The following SFMBT2 variants were observed in gnomAD, a reference collection of about 807,000 sequenced individuals.
SFMBT2 encodes scm-like with four MBT domains protein 2.
In SFMBT2, 38 loss-of-function variants were observed where a neutral mutation model predicts 110.1. The observed-to-expected ratio is 0.35, with a 90% CI of 0.27 to 0.45. The LOEUF is 0.45. Ranked by LOEUF, SFMBT2 falls within the 20% of genes least tolerant of loss-of-function variation. SFMBT2 has a pLI of 1.00. For missense variants in SFMBT2, 1,011 were observed against 1,094.9 expected (o/e 0.92, Z 1.08); for synonymous variants, 425 against 425.4 (o/e 1.00, Z 0.01).
chr10:7,233,976 C>T (rs1840183052), intron 9 of SFMBT2, among the ~76,000 whole-genome samples: 1 of 152,236 alleles, frequency 6.6e-6, no homozygotes, highest in Non-Finnish European at 1.5e-5. Flanking sequence ...AGTTTGTGTA[C>T]ATTGCAGGCT....
chr10:7,390,365 A>G (rs1845731256), intron 1 of SFMBT2, among the ~76,000 whole-genome samples: 1 of 152,198 alleles, frequency 6.6e-6, no homozygotes, highest in South Asian at 2.1e-4. Flanking sequence ...TTTTAAATCT[A>G]AGAAACTTCA....
intron 4 of SFMBT2, among the ~76,000 whole-genome samples, chr10:7,313,459 A>G (rs1378838275): frequency 6.6e-6 from 1 of 152,162 alleles, no homozygotes; most frequent in Non-Finnish European, 1.5e-5. Context: ...CTGGGAGTAC[A>G]GGTGAATGCC....
chr10:7,363,417 C>T (rs923347200), intron 4 of SFMBT2, among the ~76,000 whole-genome samples: 14 of 151,956 alleles, frequency 9.2e-5, no homozygotes, highest in African/African-American at 2.9e-4. Context: ...GGCGCGATCT[C>T]GGCTCACGGC....
chr10:7,244,969 A>G (rs1840562348), intron 8 of SFMBT2, among the ~76,000 whole-genome samples: 1 of 152,140 alleles, frequency 6.6e-6, no homozygotes, highest in African/African-American at 2.4e-5. Context: ...AAGGATTATG[A>G]AAATCCTTTG....
At chr10:7,300,143 A>C (rs779975098) in intron 4 of SFMBT2, among the ~76,000 whole-genome samples, 1 of 152,124 alleles carries the variant, frequency 6.6e-6, no homozygotes, top group Middle Eastern at 3.2e-3. Context: ...AGAGAGGAGA[A>C]CATCACACAC....
At chr10:7,406,415 C>G (rs562098473) in intron 1 of SFMBT2, among the ~76,000 whole-genome samples, 2 of 151,228 alleles carry the variant, frequency 1.3e-5, no homozygotes, top group Admixed American at 1.3e-4. Context: ...GCAATGCTTC[C>G]ATCGCTCACT....
At chr10:7,203,568 T>C (rs1294058961) in intron 12 of SFMBT2, 1 of 458,230 alleles carries the variant, frequency 2.2e-6, no homozygotes, top group Non-Finnish European at 2.9e-6. Flanking sequence ...CCCAAATCCA[T>C]GTGAAGAGGG....
At chr10:7,383,748 A>C (rs1011242139) in intron 1 of SFMBT2, among the ~76,000 whole-genome samples, 1 of 152,298 alleles carries the variant, frequency 6.6e-6, no homozygotes, top group African/African-American at 2.4e-5. Flanking sequence ...CTTTCTCAGC[A>C]CAGGGCCTTA....
At chr10:7,284,859 G>A (rs1382889592) in intron 5 of SFMBT2, 1 of 152,512 alleles carries the variant, frequency 6.6e-6, no homozygotes, top group East Asian at 1.9e-4. Context: ...AGGCAAATAT[G>A]TTTTAGAAAA....
In SFMBT2 at chr10:7,158,670, GAAGT is replaced by G. The variant is rs898089263; in HGVS notation, c.*5096_*5099del. 5.3e-5 allele frequency: 8 copies of G among 152,058 alleles called. No individual in the cohort carries two copies. Among genetic ancestry groups the G allele is most frequent in the Non-Finnish European group, 1.0e-4 (7 of 68,006 alleles). 9.4% of individuals were successfully genotyped at this position (152,058 alleles called of 1,614,324 possible). The stretch of plus-strand genomic sequence containing the variant: ...TAACAATGTGGCTTACAATTTTTTT[GAAGT>G]AAAAAGGGTTTTTTTCATTTAGAAT... On this transcript the variant is annotated 3_prime_UTR_variant, in exon 21 of 21. Coordinates refer to ENST00000397167, the MANE Select transcript of SFMBT2 (RefSeq NM_001387889.1).
chr10:7,399,336 G>T (rs370957158), intron 1 of SFMBT2, among the ~76,000 whole-genome samples: 1 of 152,082 alleles, frequency 6.6e-6, no homozygotes. Flanking sequence ...GGGTTCAAGC[G>T]ATTCTCCTGC....
intron 16 of SFMBT2, 107 bp from the exon 17 acceptor site, chr10:7,176,272 G>C: frequency 8.2e-7 from 1 of 1,221,468 alleles, no homozygotes; most frequent in Non-Finnish European, 1.2e-6. Context: ...CAATGACAAA[G>C]CATATCGCGT....
intron 20 of SFMBT2, among the ~76,000 whole-genome samples, chr10:7,165,003 G>A (rs1346254293): frequency 1.3e-5 from 2 of 152,146 alleles, no homozygotes; most frequent in Non-Finnish European, 2.9e-5. Flanking sequence ...TGTCTCTTCA[G>A]CAGCTTGCTT....
At chr10:7,229,045 A>G (rs901659594) in intron 9 of SFMBT2, among the ~76,000 whole-genome samples, 1 of 152,162 alleles carries the variant, frequency 6.6e-6, no homozygotes, top group Admixed American at 6.5e-5. Context: ...AAGGAAAAAC[A>G]CAGTCCAACT....
At position 7,250,662 on chromosome 10, in the gene SFMBT2, C is replaced by T. The variant is rs534472013; in HGVS notation, c.871-2013G>A. Among the ~76,000 whole-genome samples, 3 of 152,310 alleles carry T rather than the reference C, an allele frequency of 2.0e-5. No homozygotes were observed. In the South Asian group the frequency reaches 6.2e-4, roughly 32 times the overall value. On this transcript the variant is annotated intron_variant, in intron 7 of 20. Coordinates refer to ENST00000397167, the MANE Select transcript of SFMBT2 (RefSeq NM_001387889.1). Reference sequence around the variant, plus strand: ...TTTAAGTCAAGAAATCTCAAAACTGCTTTCACAGTGAGTGAACTAATTTAC... The same window carrying T: ...TTTAAGTCAAGAAATCTCAAAACTGTTTTCACAGTGAGTGAACTAATTTAC...
intron 7 of SFMBT2, among the ~76,000 whole-genome samples, chr10:7,275,050 A>G (rs1050342040): frequency 1.3e-5 from 2 of 152,144 alleles, no homozygotes; most frequent in African/African-American, 2.4e-5. Context: ...CACTTAGGGA[A>G]GCATACACAG....
intron 9 of SFMBT2, chr10:7,228,550 T>G: frequency 6.1e-6 from 1 of 163,710 alleles, no homozygotes. Flanking sequence ...AACATGAGAA[T>G]TGCAGGAGGC....
chr10:7,225,846 C>T (rs554872034), intron 10 of SFMBT2, among the ~76,000 whole-genome samples: 1 of 152,272 alleles, frequency 6.6e-6, no homozygotes, highest in South Asian at 2.1e-4. Flanking sequence ...AAAACACAAT[C>T]TCAAAAGGGT....
chr10:7,228,690 TCTTTCTTTCTTTC>T (rs1318410791), intron 9 of SFMBT2, among the ~76,000 whole-genome samples: 6 of 126,174 alleles, frequency 4.8e-5, no homozygotes, highest in Non-Finnish European at 8.3e-5. Flanking sequence ...TTTCTTTCTT[TCTTTCTTTCTTTC>T]TTTCTTTCTT....
Sources: gnomAD v4.1 joint callset for allele counts (sites outside exome capture counted in the v4.1 genomes callset) on GRCh38, gnomAD v4.1.1 for gene constraint, MANE v1.5 for transcripts, NCBI Gene and HGNC (gene_info 2026-07-23, HGNC 2026-07-21) for gene names.